NALCN: variants seen among roughly 807,000 people sequenced by gnomAD.
NALCN encodes the protein sodium leak channel NALCN.
Under a neutral mutation model 225.3 loss-of-function variants are expected in NALCN, and 111 were observed. That is an observed-to-expected ratio of 0.49 (90% CI 0.42 to 0.58). The LOEUF (loss-of-function observed/expected upper bound fraction) is 0.58, where lower values mean the gene tolerates loss of function less well. NALCN is among the 20% of genes least tolerant of loss of function. NALCN has a pLI of 0.00. For synonymous variants in NALCN, 764 were observed against 769.0 expected (o/e 0.99, Z 0.11); for missense variants, 1,378 against 2,202.4 (o/e 0.63, Z 7.49).
chr13:101,100,257 T>C (rs1166221351), intron 27 of NALCN, among the ~76,000 whole-genome samples: 19 of 152,278 alleles, frequency 1.2e-4, no homozygotes, highest in Non-Finnish European at 1.5e-5. Context: ...ATGAGTCTTA[T>C]GTGACAACAA....
intron 10 of NALCN, among the ~76,000 whole-genome samples, chr13:101,274,598 T>A (rs925397160): frequency 6.6e-6 from 1 of 152,252 alleles, no homozygotes; most frequent in South Asian, 2.1e-4. Flanking sequence ...TTTTTATCTG[T>A]GTTTCTAAAT....
chr13:101,080,034 A>T (rs2033522719), intron 34 of NALCN, among the ~76,000 whole-genome samples: 3 of 152,236 alleles, frequency 2.0e-5, no homozygotes, highest in African/African-American at 7.2e-5. Context: ...TAATTATAAT[A>T]ATGCCTACAG....
chr13:101,302,305 A>ATTAT (rs1222187834), intron 7 of NALCN, among the ~76,000 whole-genome samples: 17 of 152,250 alleles, frequency 1.1e-4, no homozygotes, highest in East Asian at 3.9e-4. Flanking sequence ...TACAAGAGCA[A>ATTAT]TTATTTATTT....
At chr13:101,222,773 T>C (rs1301066164) in intron 13 of NALCN, among the ~76,000 whole-genome samples, 2 of 152,180 alleles carry the variant, frequency 1.3e-5, no homozygotes, top group Non-Finnish European at 2.9e-5. Flanking sequence ...AATGCCTAAA[T>C]TTGGAGGGAG....
intron 12 of NALCN, among the ~76,000 whole-genome samples, chr13:101,234,698 G>A (rs1260901135): frequency 6.6e-6 from 1 of 152,172 alleles, no homozygotes; most frequent in Non-Finnish European, 1.5e-5. Context: ...GCCATGTATA[G>A]AGAGATACAA....
chr13:101,065,670 G>T, intron 39 of NALCN, 109 bp from the exon 40 acceptor site: 8 of 1,361,650 alleles, frequency 5.9e-6, no homozygotes, highest in Non-Finnish European at 7.9e-6. Flanking sequence ...AGCATAATTA[G>T]CACCAGATGT....
At chr13:101,055,597 C>T (rs1594103102) in intron 43 of NALCN, 109 bp from the exon 44 acceptor site, 6 of 856,038 alleles carry the variant, frequency 7.0e-6, no homozygotes. Context: ...CTAACGTGTC[C>T]TAGCCACAGA....
intron 7 of NALCN, among the ~76,000 whole-genome samples, chr13:101,342,979 G>A (rs2045604620): frequency 6.6e-6 from 1 of 151,852 alleles, no homozygotes; most frequent in Non-Finnish European, 1.5e-5. Flanking sequence ...AAAGGAAATG[G>A]GCTCCTTTTT....
At chr13:101,106,416 C>T (rs565199834) in intron 22 of NALCN, among the ~76,000 whole-genome samples, 47 of 152,274 alleles carry the variant, frequency 3.1e-4, no homozygotes, top group Admixed American at 1.0e-3. Context: ...TTTACTTAAA[C>T]GATGGCATCA....
intron 15 of NALCN, among the ~76,000 whole-genome samples, chr13:101,173,225 T>C (rs1170455118): frequency 1.3e-5 from 2 of 152,244 alleles, no homozygotes; most frequent in Non-Finnish European, 2.9e-5. Flanking sequence ...TCCTTCATTC[T>C]AACAGTTACT....
chr13:101,097,624 G>A (rs2034581920), intron 27 of NALCN, among the ~76,000 whole-genome samples: 2 of 152,116 alleles, frequency 1.3e-5, no homozygotes, highest in Admixed American at 6.5e-5. Flanking sequence ...TTCCTCATTA[G>A]GAATGGATAT....
At chr13:101,083,831 A>T in intron 30 of NALCN, 27 bp from the exon 31 acceptor site, 1 of 1,607,256 alleles carries the variant, frequency 6.2e-7, no homozygotes, top group African/African-American at 1.3e-5. Context: ...AAGCAGGAAA[A>T]GGCCTTTTGT....
intron 6 of NALCN, among the ~76,000 whole-genome samples, chr13:101,363,227 AT>A (rs1483499760): frequency 6.6e-6 from 1 of 152,152 alleles, no homozygotes; most frequent in Non-Finnish European, 1.5e-5. Flanking sequence ...TCACAGGAAT[AT>A]AAAAAACTAT....
chr13:101,173,180 T>C (rs1237560493), intron 15 of NALCN, among the ~76,000 whole-genome samples: 1 of 152,338 alleles, frequency 6.6e-6, no homozygotes, highest in Non-Finnish European at 1.5e-5. Context: ...TTTTAACGAT[T>C]GGGTTGCTGC....
chr13:101,328,026 T>C (rs1263462274), intron 7 of NALCN, among the ~76,000 whole-genome samples: 1 of 152,154 alleles, frequency 6.6e-6, no homozygotes, highest in Non-Finnish European at 1.5e-5. Flanking sequence ...GATAAAACTT[T>C]GTTTACAAAA....
chr13:101,215,974 A>T (rs1245774135), intron 13 of NALCN, among the ~76,000 whole-genome samples: 3 of 152,102 alleles, frequency 2.0e-5, no homozygotes, highest in African/African-American at 7.2e-5. Context: ...ATTCACAGGA[A>T]TGACAGCCCA....
At chr13:101,410,963 G>A (rs562994752) in intron 1 of NALCN, among the ~76,000 whole-genome samples, 22 of 152,148 alleles carry the variant, frequency 1.4e-4, no homozygotes, top group African/African-American at 4.3e-4. Context: ...TTCCATTACT[G>A]CAATCTGATT....
rs2032502174 is a variant in NALCN at position 101,067,337 on chromosome 13, AGAG to A, written c.4446+578_4446+580del. On this transcript the variant is annotated intron_variant, in intron 39 of 43. Transcript: ENST00000251127. ...AGGAGGGGGAAGAGGAGGGGGAAGA[AGAG>A]GGGGTAGAGGAGGAGGAGTAGGAGG... Among the ~76,000 whole-genome samples the A allele has an allele frequency of 1.3e-4, 4 of 30,218 alleles. No homozygotes were observed. In the Admixed American group the frequency reaches 1.6e-3, roughly 12 times the overall value. The allele number at this position is 30,218 out of a possible 152,430, so 19.8% of individuals were successfully genotyped here. A position where few individuals can be genotyped will look rare whatever the true frequency, so the allele number is the denominator to read the frequency against.
At chr13:101,110,763 C>G in intron 19 of NALCN, 75 bp from the exon 20 acceptor site, 1 of 1,436,102 alleles carries the variant, frequency 7.0e-7, no homozygotes, top group Non-Finnish European at 9.8e-7. Flanking sequence ...ATGATAAAAT[C>G]AAAATAAAAC....
Sources: gnomAD v4.1 joint callset for allele counts (sites outside exome capture counted in the v4.1 genomes callset) on GRCh38, gnomAD v4.1.1 for gene constraint, MANE v1.5 for transcripts, NCBI Gene and HGNC (gene_info 2026-07-23, HGNC 2026-07-21) for gene names.